The following DPH6 variants were observed in gnomAD, a reference collection of about 807,000 sequenced individuals.
DPH6 encodes the protein diphthamine biosynthesis 6, also known as diphthine--ammonia ligase.
In DPH6, 33 loss-of-function variants were observed where a neutral mutation model predicts 38.2. That is an observed-to-expected ratio of 0.86 (90% CI 0.65 to 1.15). The LOEUF (loss-of-function observed/expected upper bound fraction) is 1.15, where lower values mean the gene tolerates loss of function less well. Among genes scored for constraint, DPH6 ranks in the 50% most tolerant of loss-of-function variants. The probability of loss-of-function intolerance (pLI) is 0.00; values close to 1 mark genes in which losing one functional copy is unlikely to be tolerated. For synonymous variants in DPH6, 108 were observed against 103.0 expected, an observed-to-expected ratio of 1.05 and a Z score of -0.30; for missense variants, 325 against 320.0, an observed-to-expected ratio of 1.02 and a Z score of -0.12.
At chr15:35,335,853 T>A (rs2052367517) in intron 3 of DPH6, among the ~76,000 whole-genome samples, 1 of 152,166 alleles carries the variant, frequency 6.6e-6, no homozygotes, top group Admixed American at 6.6e-5. Flanking sequence ...CTTATGATTG[T>A]CTTGGCTCTT....
chr15:35,499,631 T>TA (rs1367848465), intron 3 of DPH6, among the ~76,000 whole-genome samples: 1 of 152,186 alleles, frequency 6.6e-6, no homozygotes, highest in South Asian at 2.1e-4. Flanking sequence ...TCCAAGCCCC[T>TA]AATGTCAACA....
At chr15:35,238,794 C>T (rs1284722719) in intron 3 of DPH6, among the ~76,000 whole-genome samples, 1 of 151,894 alleles carries the variant, frequency 6.6e-6, no homozygotes, top group African/African-American at 2.4e-5. Context: ...CCCACTTTAA[C>T]TGAGTGATTA....
At position 35,372,068 on chromosome 15, in the gene DPH6, C is replaced by A; in HGVS notation, c.*82G>T. 1 of 1,455,212 alleles carries A rather than the reference C, an allele frequency of 6.9e-7. No homozygotes were observed. Among genetic ancestry groups the A allele is most frequent in the Non-Finnish European group, 9.0e-7 (1 of 1,108,298 alleles). 90.1% of individuals were successfully genotyped at this position (1,455,212 alleles called of 1,614,324 possible). ...ATAAGAGTCATGAGAAAAAAATAAA[C>A]TAGTCATAGTAACTGAGAAAATACT... On this transcript the variant is annotated 3_prime_UTR_variant, in exon 9 of 9. Transcript: ENST00000256538.
intron 5 of DPH6, among the ~76,000 whole-genome samples, chr15:35,424,667 A>T (rs776302723): frequency 6.6e-6 from 1 of 151,560 alleles, no homozygotes; most frequent in African/African-American, 2.4e-5. Flanking sequence ...AAATCCTTCA[A>T]TAATACTTCT....
downstream of DPH6, among the ~76,000 whole-genome samples, chr15:35,327,951 A>G (rs78704857): frequency 0.03 from 4,638 of 152,284 alleles, 214 homozygotes; most frequent in African/African-American, 0.11. Flanking sequence ...GATCAAATAC[A>G]TTGCAAACCC....
At chr15:35,421,293 T>C (rs2053501895) in intron 5 of DPH6, among the ~76,000 whole-genome samples, 1 of 152,216 alleles carries the variant, frequency 6.6e-6, no homozygotes, top group Non-Finnish European at 1.5e-5. Context: ...AAACTAATTT[T>C]ACAAGGCCAG....
intron 4 of DPH6, 105 bp from the exon 5 acceptor site, chr15:35,450,908 T>C: frequency 3.3e-6 from 3 of 905,032 alleles, no homozygotes; most frequent in Non-Finnish European, 5.0e-6. Context: ...TTCAAGGATT[T>C]TAGCATTGAA....
intron 3 of DPH6, among the ~76,000 whole-genome samples, chr15:35,358,497 TC>T (rs1287566911): frequency 6.6e-6 from 1 of 152,192 alleles, no homozygotes; most frequent in Non-Finnish European, 1.5e-5. Context: ...TCTGGTTGCT[TC>T]TCATTTGGGT....
chr15:35,468,199 A>G (rs763396019), intron 3 of DPH6, among the ~76,000 whole-genome samples: 4 of 152,222 alleles, frequency 2.6e-5, no homozygotes, highest in Non-Finnish European at 4.4e-5. Flanking sequence ...TCTATGCATT[A>G]TCTCATTTTA....
intron 3 of DPH6, among the ~76,000 whole-genome samples, chr15:35,533,728 G>A (rs1384549896): frequency 6.6e-6 from 1 of 150,714 alleles, no homozygotes; most frequent in Non-Finnish European, 1.5e-5. Context: ...AATTATTACT[G>A]TCAATAATAA....
intron 3 of DPH6, among the ~76,000 whole-genome samples, chr15:35,296,197 C>A (rs2052013679): frequency 6.6e-6 from 1 of 152,124 alleles, no homozygotes; most frequent in Non-Finnish European, 1.5e-5. Flanking sequence ...CCTTGGCCTC[C>A]CAAAGTGCCA....
intron 3 of DPH6, among the ~76,000 whole-genome samples, chr15:35,341,992 T>A (rs1308872665): frequency 6.6e-6 from 1 of 152,194 alleles, no homozygotes; most frequent in Non-Finnish European, 1.5e-5. Flanking sequence ...ACTGCAGAGA[T>A]GGTAGCTGCC....
In DPH6 at chr15:35,381,872, C is replaced by T. The variant is rs781253434; in HGVS notation, c.612G>A (p.Glu204=). 4.3e-6 allele frequency: 7 copies of T among 1,613,742 alleles called. No individual in the cohort carries two copies. Among genetic ancestry groups the T allele is most frequent in the Non-Finnish European group, 5.9e-6 (7 of 1,179,774 alleles). The part of the protein sequence containing the change: ...YGVHVCGEGG[E]YETFTLDCPL... ...GGCAATCCAAAGTGAAAGTTTCATA[C>T]TCTCCACCTTCTCCACAAACATGTA... Residue 204 remains glutamate, a synonymous_variant, in exon 7 of 9, where the codon GAG becomes GAA. Transcript: ENST00000256538.
intron 3 of DPH6, among the ~76,000 whole-genome samples, chr15:35,245,083 G>A (rs1158739949): frequency 6.6e-6 from 1 of 151,662 alleles, no homozygotes; most frequent in Non-Finnish European, 1.5e-5. Flanking sequence ...ATTTAAATAT[G>A]AACCACATGC....
rs1369455898 is a variant in DPH6 at position 35,378,743 on chromosome 15, C to A, written c.662+3079G>T. 2.0e-5 allele frequency among the ~76,000 whole-genome samples: 3 copies of A among 151,680 alleles called. No individual in the cohort carries two copies. In the East Asian group the frequency reaches 5.8e-4, roughly 29 times the overall value. ...CACAAAAACAGAAAACCAAACACTGCATGTTCTCACTCACAAGTGGGAGTT... is the reference window on the plus strand; with the variant it reads ...CACAAAAACAGAAAACCAAACACTGAATGTTCTCACTCACAAGTGGGAGTT... On this transcript the variant is annotated intron_variant, in intron 7 of 8. Coordinates refer to ENST00000256538, the MANE Select transcript of DPH6 (RefSeq NM_080650.4).
At chr15:35,365,394 A>T (rs2052649739) in intron 3 of DPH6, among the ~76,000 whole-genome samples, 1 of 152,154 alleles carries the variant, frequency 6.6e-6, no homozygotes, top group Non-Finnish European at 1.5e-5. Context: ...TATAAGAATA[A>T]GCAGTCAATA....
chr15:35,274,311 C>G (rs1017745252), intron 3 of DPH6, among the ~76,000 whole-genome samples: 1 of 151,998 alleles, frequency 6.6e-6, no homozygotes, highest in Non-Finnish European at 1.5e-5. Context: ...GGAAGAAAAC[C>G]TAGCCAATAC....
chr15:35,258,047 G>C (rs2051719775), intron 3 of DPH6, among the ~76,000 whole-genome samples: 3 of 152,052 alleles, frequency 2.0e-5, no homozygotes, highest in Admixed American at 2.0e-4. Flanking sequence ...CTTATTTTAT[G>C]ATATCTTCTA....
At chr15:35,507,191 T>C (rs2054705810) in intron 3 of DPH6, among the ~76,000 whole-genome samples, 1 of 152,040 alleles carries the variant, frequency 6.6e-6, no homozygotes, top group Admixed American at 6.6e-5. Flanking sequence ...CTATTAACGA[T>C]GTCAAATATA....
Sources: allele counts gnomAD v4.1 joint callset (sites outside exome capture counted in the v4.1 genomes callset), GRCh38; gene constraint gnomAD v4.1.1; transcripts MANE v1.5; gene names NCBI Gene and HGNC (gene_info 2026-07-23, HGNC 2026-07-21).